The following NDRG3 variants were observed in gnomAD, a reference collection of about 807,000 sequenced individuals.
NDRG3 encodes protein NDRG3.
A neutral mutation model predicts 57.2 loss-of-function variants in NDRG3; 23 were observed. The observed-to-expected ratio is 0.40, with a 90% CI of 0.29 to 0.57. NDRG3 has a LOEUF of 0.57. NDRG3 is among the 20% of genes least tolerant of loss of function. The probability of loss-of-function intolerance (pLI) is 0.42; values close to 1 mark genes in which losing one functional copy is unlikely to be tolerated. For missense variants in NDRG3, 384 were observed against 457.3 expected, an observed-to-expected ratio of 0.84 and a Z score of 1.46; for synonymous variants, 132 against 162.6, an observed-to-expected ratio of 0.81 and a Z score of 1.43.
At chr20:36,719,669 C>G (rs1984479284) in intron 2 of NDRG3, among the ~76,000 whole-genome samples, 1 of 151,760 alleles carries the variant, frequency 6.6e-6, no homozygotes, top group South Asian at 2.1e-4. Flanking sequence ...ACCCGCACAC[C>G]CCCCCTCCCC....
intron 1 of NDRG3, among the ~76,000 whole-genome samples, chr20:36,739,146 A>T (rs1454686177): frequency 1.7e-4 from 23 of 136,366 alleles, no homozygotes; most frequent in East Asian, 1.5e-3. Context: ...AAAAAAAAAA[A>T]AAAAAAAAAA....
intron 13 of NDRG3, among the ~76,000 whole-genome samples, chr20:36,658,364 T>C (rs1254041482): frequency 1.3e-5 from 2 of 152,222 alleles, no homozygotes; most frequent in African/African-American, 4.8e-5. Flanking sequence ...ACTCCTGGCC[T>C]CAGCTTCCCA....
intron 3 of NDRG3, among the ~76,000 whole-genome samples, chr20:36,699,695 T>C (rs1025677744): frequency 2.7e-5 from 4 of 147,190 alleles, no homozygotes; most frequent in Admixed American, 1.4e-4. Flanking sequence ...GGTGGTAGGG[T>C]GTGTGTGTGT....
intron 3 of NDRG3, among the ~76,000 whole-genome samples, chr20:36,693,105 A>AATATAT (rs1290033865): frequency 0.024 from 619 of 25,768 alleles, 12 homozygotes; most frequent in Middle Eastern, 0.045. Context: ...AAAAAAAAAA[A>AATATAT]ATATATATAT....
intron 9 of NDRG3, 89 bp from the exon 10 acceptor site, chr20:36,666,481 A>G: frequency 1.1e-6 from 1 of 922,354 alleles, no homozygotes; most frequent in Non-Finnish European, 1.8e-6. Context: ...ACCACAAGCC[A>G]AATCGTGCGG....
intron 15 of NDRG3, among the ~76,000 whole-genome samples, chr20:36,655,084 A>C (rs1380597395): frequency 6.6e-6 from 1 of 152,232 alleles, no homozygotes; most frequent in African/African-American, 2.4e-5. Context: ...TTGGATCAGA[A>C]GTGGGCTGGA....
At chr20:36,670,792 C>T (rs1442578076) in intron 9 of NDRG3, among the ~76,000 whole-genome samples, 1 of 152,186 alleles carries the variant, frequency 6.6e-6, no homozygotes, top group Non-Finnish European at 1.5e-5. Flanking sequence ...TACTCCATCA[C>T]TCCTTTGTCA....
chr20:36,744,320 CAA>C (rs1457883231), intron 1 of NDRG3, among the ~76,000 whole-genome samples: 1 of 151,826 alleles, frequency 6.6e-6, no homozygotes, highest in African/African-American at 2.4e-5. Flanking sequence ...AAGAGACAAG[CAA>C]AGAGAAACTG....
chr20:36,687,504 G>A lies in NDRG3; in HGVS notation c.308C>T (p.Ser103Phe). 1 of 1,613,758 alleles carries A rather than the reference G, an allele frequency of 6.2e-7. No homozygotes were observed. The highest frequency in any genetic ancestry group is 8.5e-7 in the Non-Finnish European group (1 of 1,179,958). The change falls in exon 5 of 16, where the codon TCT becomes TTT. Residue 103 changes from serine to phenylalanine, a missense_variant. Physicochemically the swap from Ser to Phe is radical, Grantham distance 155. Transcript: ENST00000349004. ...TTCGTGGCCTTACCCTGTTGGGAAA[G>A]AGGGTGCACCTTCCTGCTGGCCTGG... The part of the protein sequence containing the change: ...DAPGQQEGAP[S>F]FPTGYQYPTM...
chr20:36,677,424 G>A (rs150858573), intron 8 of NDRG3, among the ~76,000 whole-genome samples: 86 of 152,290 alleles, frequency 5.6e-4, no homozygotes, highest in African/African-American at 1.4e-3. Context: ...GCCCATGGCC[G>A]CCCATGGGCC....
At chr20:36,729,596 C>T (rs1295170557) in intron 1 of NDRG3, among the ~76,000 whole-genome samples, 5 of 151,884 alleles carry the variant, frequency 3.3e-5, no homozygotes, top group African/African-American at 7.3e-5. Flanking sequence ...GGCACAATCT[C>T]GGCTACCTGC....
chr20:36,734,193 C>T (rs538918903), intron 1 of NDRG3, among the ~76,000 whole-genome samples: 8 of 150,966 alleles, frequency 5.3e-5, no homozygotes, highest in Non-Finnish European at 5.9e-5. Context: ...AGTGACAGAG[C>T]GAGACTCCGT....
intron 8 of NDRG3, among the ~76,000 whole-genome samples, chr20:36,675,671 C>G (rs950838154): frequency 6.6e-6 from 1 of 151,952 alleles, no homozygotes; most frequent in Non-Finnish European, 1.5e-5. Context: ...CAGGTGTAAG[C>G]TACTGCACCT....
intron 1 of NDRG3, among the ~76,000 whole-genome samples, chr20:36,730,814 G>A (rs1208647955): frequency 6.6e-6 from 1 of 151,284 alleles, no homozygotes; most frequent in Non-Finnish European, 1.5e-5. Context: ...CAGGCGTGGT[G>A]GTAATTCCAG....
chr20:36,666,386 A>G lies in NDRG3; in HGVS notation c.595T>C (p.Leu199=), dbSNP rs1022562158. The part of the protein sequence containing the change: ...ILAHHFGQEE[L]QANLDLIQTY... The stretch of plus-strand genomic sequence containing the variant: ...TGGATCAGGTCCAGGTTGGCCTGTA[A>G]CTCTTCCTAGAACAATTGAAAGAAG... Residue 199 remains leucine, a synonymous_variant, in exon 10 of 16, where the codon TTA becomes CTA. Transcript: ENST00000349004. 5 of 1,611,762 alleles carry G rather than the reference A, an allele frequency of 3.1e-6. No homozygotes were observed. The highest frequency in any genetic ancestry group is 1.3e-5 in the African/African-American group (1 of 74,862).
intron 1 of NDRG3, among the ~76,000 whole-genome samples, chr20:36,723,031 T>C (rs1984690326): frequency 6.6e-6 from 1 of 152,058 alleles, no homozygotes; most frequent in Admixed American, 6.6e-5. Flanking sequence ...TGTGTGTGAG[T>C]TACCTTGCAA....
intron 12 of NDRG3, among the ~76,000 whole-genome samples, chr20:36,662,281 G>T (rs572194916): frequency 1.3e-5 from 2 of 149,948 alleles, no homozygotes; most frequent in African/African-American, 4.9e-5. Context: ...AGGCTGGGGT[G>T]CAGTGGCACG....
At chr20:36,674,566 T>C (rs568815865) in intron 8 of NDRG3, among the ~76,000 whole-genome samples, 159 of 151,020 alleles carry the variant, frequency 1.1e-3, no homozygotes, top group African/African-American at 2.4e-3. Context: ...ATGGACTTAT[T>C]GAATCTCATG....
In NDRG3 at chr20:36,682,561, C is replaced by A. The variant is rs200803538; in HGVS notation, c.401G>T (p.Gly134Val). The change falls in exon 7 of 16, where the codon GGA (glycine) becomes GTA (valine). Residue 134 changes from glycine to valine, a missense_variant. Coordinates refer to ENST00000349004, the MANE Select transcript of NDRG3 (RefSeq NM_032013.4). The part of the protein sequence containing the change: ...LTHLSLKSII[G>V]IGVGAGAYIL... ...GTAAGCTCCAGCTCCAACTCCAATTCCAATGATGCTTTTCAGGCTGTGAAT... is the reference window on the plus strand; with the variant it reads ...GTAAGCTCCAGCTCCAACTCCAATTACAATGATGCTTTTCAGGCTGTGAAT... 1.2e-6 allele frequency: 2 copies of A among 1,614,050 alleles called. No homozygotes were observed. The highest frequency in any genetic ancestry group is 1.7e-6 in the Non-Finnish European group (2 of 1,179,946).
Sources: allele counts gnomAD v4.1 joint callset (sites outside exome capture counted in the v4.1 genomes callset), GRCh38; gene constraint gnomAD v4.1.1; transcripts MANE v1.5; gene names NCBI Gene and HGNC (gene_info 2026-07-23, HGNC 2026-07-21).